TRAPPC9: variants seen among roughly 807,000 people sequenced by gnomAD.
TRAPPC9 encodes trafficking protein particle complex subunit 9.
TRAPPC9 carries 83 observed loss-of-function variants against 124.0 expected under a neutral mutation model. The observed-to-expected ratio is 0.67, with a 90% CI of 0.56 to 0.80. The LOEUF is 0.80. TRAPPC9 is among the 30% of genes least tolerant of loss of function. The probability of loss-of-function intolerance (pLI) is 0.00; values close to 1 mark genes in which losing one functional copy is unlikely to be tolerated. For missense variants in TRAPPC9, 1,302 were observed against 1,508.3 expected, an observed-to-expected ratio of 0.86 and a Z score of 2.27; for synonymous variants, 638 against 617.5, an observed-to-expected ratio of 1.03 and a Z score of -0.49.
At chr8:140,430,739 A>C (rs2070610060) in intron 4 of TRAPPC9, among the ~76,000 whole-genome samples, 1 of 152,158 alleles carries the variant, frequency 6.6e-6, no homozygotes, top group South Asian at 2.1e-4. Flanking sequence ...CCTGGGCTCA[A>C]GCAATCCTCC....
chr8:140,419,627 TG>T (rs1227591170), intron 5 of TRAPPC9, among the ~76,000 whole-genome samples: 1 of 151,760 alleles, frequency 6.6e-6, no homozygotes, highest in Non-Finnish European at 1.5e-5. Flanking sequence ...GGCTCACGCT[TG>T]TAATTCCAAC....
At chr8:140,325,959 G>A (rs1487200958) in intron 9 of TRAPPC9, among the ~76,000 whole-genome samples, 1 of 152,086 alleles carries the variant, frequency 6.6e-6, no homozygotes, top group Non-Finnish European at 1.5e-5. Context: ...TACAATAAGA[G>A]TACACCGAAG....
At chr8:140,023,259 T>C (rs1026542528) in intron 18 of TRAPPC9, among the ~76,000 whole-genome samples, 4 of 152,338 alleles carry the variant, frequency 2.6e-5, no homozygotes, top group Non-Finnish European at 2.9e-5. Context: ...CTCCAGCTTC[T>C]AGATTCCACT....
At chr8:140,018,987 C>T (rs1287669129) in intron 18 of TRAPPC9, among the ~76,000 whole-genome samples, 1 of 152,138 alleles carries the variant, frequency 6.6e-6, no homozygotes, top group East Asian at 1.9e-4. Flanking sequence ...CTCTTCTAAT[C>T]CTAGTGTACT....
intron 19 of TRAPPC9, among the ~76,000 whole-genome samples, chr8:139,973,789 G>A (rs1159439376): frequency 6.6e-6 from 1 of 152,072 alleles, no homozygotes; most frequent in Middle Eastern, 3.2e-3. Flanking sequence ...GCCGAGGTGA[G>A]TGCCAGGCCC....
chr8:139,934,549 T>G (rs1297223345), intron 19 of TRAPPC9, among the ~76,000 whole-genome samples: 1 of 152,218 alleles, frequency 6.6e-6, no homozygotes, highest in African/African-American at 2.4e-5. Flanking sequence ...AGAGAGTTTT[T>G]TACTTAATGA....
chr8:140,221,552 G>A lies in TRAPPC9; in HGVS notation c.2463C>T (p.Ser821=), dbSNP rs1271533855. The change falls in exon 17 of 23, where the codon TCC becomes TCT. Residue 821 remains serine (S), a synonymous_variant. Transcript: ENST00000438773. ...GCCGAACGACCTGCCGAAAAGGACT[G>A]GACAGGGGAAAGCCACTCACACTGA... ...DGISVSGFPL[S]SPFRQVVRPR... The A allele has an allele frequency of 1.2e-6, 2 of 1,614,108 alleles. No individual in the cohort carries two copies. The highest frequency in any genetic ancestry group is 4.5e-5 in the East Asian group (2 of 44,884).
At chr8:139,817,328 G>A (rs1824912302) in intron 21 of TRAPPC9, among the ~76,000 whole-genome samples, 1 of 152,220 alleles carries the variant, frequency 6.6e-6, no homozygotes, top group South Asian at 2.1e-4. Flanking sequence ...GCACAGCTGT[G>A]TCTCTTTTTG....
intron 21 of TRAPPC9, among the ~76,000 whole-genome samples, chr8:139,805,398 G>A (rs1012406307): frequency 3.9e-5 from 6 of 152,200 alleles, no homozygotes; most frequent in Admixed American, 6.5e-5. Flanking sequence ...CCCCACACTC[G>A]GCAGGTGGGG....
At chr8:140,308,260 C>T (rs1259715968) in intron 10 of TRAPPC9, among the ~76,000 whole-genome samples, 1 of 151,642 alleles carries the variant, frequency 6.6e-6, no homozygotes, top group Non-Finnish European at 1.5e-5. Context: ...ACAGGGCAGG[C>T]CACAGAGGCC....
intron 17 of TRAPPC9, among the ~76,000 whole-genome samples, chr8:140,026,798 T>C (rs941494655): frequency 4.6e-5 from 7 of 152,230 alleles, no homozygotes; most frequent in African/African-American, 1.4e-4. Flanking sequence ...TCTCCACCTA[T>C]GTAAATATTA....
chr8:140,424,441 G>T (rs556810003), intron 5 of TRAPPC9, among the ~76,000 whole-genome samples: 7 of 151,940 alleles, frequency 4.6e-5, no homozygotes, highest in Non-Finnish European at 7.4e-5. Context: ...AGGACCAGCT[G>T]GGTCAACACA....
intron 16 of TRAPPC9, among the ~76,000 whole-genome samples, chr8:140,223,502 C>T (rs1039714184): frequency 1.2e-4 from 19 of 152,166 alleles, no homozygotes; most frequent in Non-Finnish European, 2.6e-4. Context: ...GGATCCTTTT[C>T]GCTTTAACAC....
intron 10 of TRAPPC9, among the ~76,000 whole-genome samples, chr8:140,304,704 C>T (rs746762116): frequency 6.6e-6 from 1 of 152,232 alleles, no homozygotes; most frequent in South Asian, 2.1e-4. Context: ...TCGGCAGACA[C>T]CTACCAGCTC....
chr8:140,123,086 C>T (rs1307715551), intron 17 of TRAPPC9, among the ~76,000 whole-genome samples: 2 of 152,160 alleles, frequency 1.3e-5, no homozygotes, highest in Non-Finnish European at 2.9e-5. Flanking sequence ...AAATTACTGC[C>T]TCTGCAACCA....
intron 17 of TRAPPC9, among the ~76,000 whole-genome samples, chr8:140,171,758 G>A (rs1231828534): frequency 6.6e-6 from 1 of 152,156 alleles, no homozygotes; most frequent in African/African-American, 2.4e-5. Context: ...CCATATTCCT[G>A]AGATGCCCCC....
At chr8:140,453,310 A>C (rs1228659519) in intron 1 of TRAPPC9, among the ~76,000 whole-genome samples, 2 of 152,028 alleles carry the variant, frequency 1.3e-5, no homozygotes, top group Non-Finnish European at 2.9e-5. Context: ...TTGCATTTTT[A>C]ATTTTGTTTT....
intron 17 of TRAPPC9, among the ~76,000 whole-genome samples, chr8:140,208,825 A>G (rs2062988858): frequency 6.6e-6 from 1 of 152,190 alleles, no homozygotes; most frequent in Non-Finnish European, 1.5e-5. Context: ...TCTGCTTAGA[A>G]GCAGATTTTT....
intron 17 of TRAPPC9, among the ~76,000 whole-genome samples, chr8:140,026,176 A>G (rs1840136831): frequency 6.6e-6 from 1 of 152,230 alleles, no homozygotes; most frequent in African/African-American, 2.4e-5. Context: ...ATCGTGGGTC[A>G]GAATTTCCTC....
Sources: allele counts gnomAD v4.1 joint callset (sites outside exome capture counted in the v4.1 genomes callset), GRCh38; gene constraint gnomAD v4.1.1; transcripts MANE v1.5; gene names NCBI Gene and HGNC (gene_info 2026-07-23, HGNC 2026-07-21).